The following IL17RB variants were observed in gnomAD, a reference collection of about 807,000 sequenced individuals.
IL17RB encodes the protein interleukin-17 receptor B.
Under a neutral mutation model 43.9 loss-of-function variants are expected in IL17RB, and 36 were observed. That is an observed-to-expected ratio of 0.82 (90% CI 0.63 to 1.08). IL17RB has a LOEUF of 1.08. Among genes scored for constraint, IL17RB ranks in the 50% least tolerant of loss-of-function variants. The pLI, the probability that IL17RB is intolerant of heterozygous loss-of-function variation, is 0.00. For missense variants in IL17RB, 613 were observed against 613.6 expected, an observed-to-expected ratio of 1.00 and a Z score of 0.01; for synonymous variants, 225 against 225.4, an observed-to-expected ratio of 1.00 and a Z score of 0.02.
At chr3:53,848,795 G>A (rs1217462895) in intron 2 of IL17RB, 107 bp downstream of exon 2, 3 of 1,172,092 alleles carry the variant, frequency 2.6e-6, no homozygotes, top group Admixed American at 1.7e-5. Context: ...GACACAGGGT[G>A]ACCCATTGCT....
At chr3:53,851,919 A>G (rs1228595892) in intron 3 of IL17RB, 80 bp from the exon 4 acceptor site, 1 of 1,491,926 alleles carries the variant, frequency 6.7e-7, no homozygotes, top group Non-Finnish European at 9.3e-7. Context: ...AAAATAAAGC[A>G]TGCTAGTAAA....
At chr3:53,858,865 C>G (rs773414514) in intron 9 of IL17RB, 47 bp downstream of exon 9, 1 of 1,405,398 alleles carries the variant, frequency 7.1e-7, no homozygotes, top group Admixed American at 1.7e-5. Context: ...GGCTCACACA[C>G]AGTCACTGCC....
Position 53,849,678 on chromosome 3 carries a change from C to T in IL17RB, c.109C>T (p.Gln37Ter). 6.2e-7 allele frequency: 1 copy of T among 1,611,324 alleles called. No homozygotes were observed. The highest frequency in any genetic ancestry group is 8.5e-7 in the Non-Finnish European group (1 of 1,178,740). ...ETGPSPEWML[Q>*]HDLIPGDLRD... ...AGGGCCATCTCCAGAGTGGATGCTA[C>T]AACATGATCTAATCCCCGGAGACTT... The change falls in exon 3 of 11, where the codon CAA becomes TAA. Residue 37 changes from glutamine (Q) to a stop codon, truncating the protein, a stop_gained. Coordinates refer to ENST00000288167, the MANE Select transcript of IL17RB (RefSeq NM_018725.4). LOFTEE classifies it high-confidence loss of function.
At chr3:53,856,497 G>T (rs1699336947) in intron 6 of IL17RB, among the ~76,000 whole-genome samples, 1 of 152,180 alleles carries the variant, frequency 6.6e-6, no homozygotes. Context: ...CCAACCTGTA[G>T]CTCTTTCTCC....
At position 53,865,186 on chromosome 3, in the gene IL17RB, T is replaced by C; in HGVS notation, c.1387T>C (p.Cys463Arg). 6.2e-7 allele frequency: 1 copy of C among 1,614,156 alleles called. No homozygotes were observed. The highest frequency in any genetic ancestry group is 8.5e-7 in the Non-Finnish European group (1 of 1,180,018). ...TKDDYNALSVCPKYHLMKDAT... is the reference protein window; with the variant it reads ...TKDDYNALSVRPKYHLMKDAT... ...AGACGATTACAATGCTCTCAGTGTC[T>C]GCCCCAAGTACCACCTCATGAAGGA... The change falls in exon 11 of 11, where the codon TGC (cysteine) becomes CGC (arginine). Residue 463 changes from cysteine (C) to arginine (R), a missense_variant. Physicochemically the swap from Cys to Arg is radical, Grantham distance 180. Coordinates refer to ENST00000288167, the MANE Select transcript of IL17RB (RefSeq NM_018725.4).
intron 1 of IL17RB, among the ~76,000 whole-genome samples, chr3:53,847,522 G>A (rs146260495): frequency 4.6e-5 from 7 of 151,850 alleles, no homozygotes; most frequent in Non-Finnish European, 7.4e-5. Context: ...GGCCGGGCTC[G>A]GTGGCTCACG....
rs1001111449 is a variant in IL17RB, at chr3:53,852,898, G to C, written c.382G>C (p.Val128Leu). The part of the protein sequence containing the change: ...KWTFSYIGFP[V>L]ELNTVYFIGA... ...GACATTTTCCTACATCGGCTTCCCTGTAGAGCTGAACACAGTCTATTTCAT... is the reference window on the plus strand; with the variant it reads ...GACATTTTCCTACATCGGCTTCCCTCTAGAGCTGAACACAGTCTATTTCAT... The change falls in exon 5 of 11, where the codon GTA becomes CTA. Residue 128 changes from valine to leucine, a missense_variant. By Grantham distance (32) the Val-to-Leu change is conservative. Transcript: ENST00000288167. The C allele has an allele frequency of 9.3e-6, 15 of 1,613,930 alleles. No individual in the cohort carries two copies. The highest frequency in any genetic ancestry group is 1.3e-5 in the Non-Finnish European group (15 of 1,179,816).
chr3:53,861,138 AT>A (rs1699548362), intron 10 of IL17RB: 1 of 152,186 alleles, frequency 6.6e-6, no homozygotes, highest in Admixed American at 6.5e-5. Context: ...AGTAAATTAC[AT>A]ATCACAGTAA....
At chr3:53,860,812 C>T (rs945712451) in intron 10 of IL17RB, 5 of 151,988 alleles carry the variant, frequency 3.3e-5, no homozygotes, top group Non-Finnish European at 5.9e-5. Flanking sequence ...AAAATGTATA[C>T]AGATACTAGT....
At position 53,865,029 on chromosome 3, in the gene IL17RB, G is replaced by A. The variant is rs763699823; in HGVS notation, c.1230G>A (p.Lys410=). 5.6e-6 allele frequency: 9 copies of A among 1,614,076 alleles called. No individual in the cohort carries two copies. In the Admixed American group the frequency reaches 6.7e-5, roughly 12 times the overall value. The part of the protein sequence containing the change: ...VNSVCDGTCG[K]SEGSPSENSQ... Reference sequence around the variant, plus strand: ...GTGTGTGCGATGGTACCTGTGGCAAGAGCGAGGGCAGTCCCAGTGAGAACT... The same window carrying A: ...GTGTGTGCGATGGTACCTGTGGCAAAAGCGAGGGCAGTCCCAGTGAGAACT... Residue 410 remains lysine (K), a synonymous_variant, in exon 11 of 11, where the codon AAG becomes AAA. Coordinates refer to ENST00000288167, the MANE Select transcript of IL17RB (RefSeq NM_018725.4).
At chr3:53,857,031 T>C (rs1272811197) in intron 7 of IL17RB, 45 bp downstream of exon 7, 4 of 1,605,574 alleles carry the variant, frequency 2.5e-6, no homozygotes, top group African/African-American at 1.3e-5. Flanking sequence ...CCAGCTTTCC[T>C]TAGTGTGTTG....
intron 5 of IL17RB, among the ~76,000 whole-genome samples, chr3:53,854,539 T>A (rs1458713669): frequency 6.6e-6 from 1 of 152,210 alleles, no homozygotes; most frequent in Non-Finnish European, 1.5e-5. Context: ...GTTTGTCTGA[T>A]GTTTGTCTCA....
At chr3:53,862,161 T>A (rs543426967) in intron 10 of IL17RB, among the ~76,000 whole-genome samples, 12 of 152,158 alleles carry the variant, frequency 7.9e-5, no homozygotes, top group Non-Finnish European at 1.6e-4. Context: ...TCTTTTGATA[T>A]TGGACAATGC....
chr3:53,864,262 T>G (rs966038538), intron 10 of IL17RB, among the ~76,000 whole-genome samples: 28 of 152,132 alleles, frequency 1.8e-4, no homozygotes, highest in African/African-American at 6.3e-4. Flanking sequence ...TAAGGCAGGG[T>G]GCGGTGGCTC....
chr3:53,857,727 C>A, intron 8 of IL17RB, 37 bp downstream of exon 8: 2 of 1,528,290 alleles, frequency 1.3e-6, no homozygotes, highest in Non-Finnish European at 1.8e-6. Context: ...AGGGAAGGGA[C>A]ATAGAAGACT....
intron 1 of IL17RB, 58 bp downstream of exon 1, chr3:53,846,706 C>A: frequency 6.7e-7 from 1 of 1,501,718 alleles, no homozygotes; most frequent in Non-Finnish European, 9.0e-7. Context: ...CAGATCCTGA[C>A]GTCGTCTGAT....
In IL17RB at chr3:53,865,082, AC is replaced by A. The variant is rs1559786428; in HGVS notation, c.1285del (p.Leu429PhefsTer6). On this transcript the variant is annotated frameshift_variant, in exon 11 of 11. Coordinates refer to ENST00000288167, the MANE Select transcript of IL17RB (RefSeq NM_018725.4). LOFTEE classifies it low-confidence loss of function (END_TRUNC). ...CAAGACCTCTTCCCCCTTGCCTTTAACCTTTTCTGCAGTGATCTAAGAAGCC... is the reference window on the plus strand; with the variant it reads ...CAAGACCTCTTCCCCCTTGCCTTTAACTTTTCTGCAGTGATCTAAGAAGCC... ...NSQDLFPLAF[N>X]LFCSDLRSQI... is the part of the protein sequence containing the mutation. The A allele has an allele frequency of 6.2e-7, 1 of 1,614,052 alleles. No individual in the cohort carries two copies. Among genetic ancestry groups the A allele is most frequent in the Non-Finnish European group, 8.5e-7 (1 of 1,179,952 alleles).
intron 7 of IL17RB, 35 bp from the exon 8 acceptor site, chr3:53,857,581 G>C (rs2232342): frequency 0.013 from 20,033 of 1,596,620 alleles, 471 homozygotes; most frequent in East Asian, 0.088. Context: ...CAGTGCACCT[G>C]GCACCTCATA....
chr3:53,857,086 G>A, intron 7 of IL17RB, 100 bp downstream of exon 7: 2 of 1,265,054 alleles, frequency 1.6e-6, no homozygotes, highest in Non-Finnish European at 2.3e-6. Flanking sequence ...GGGCTACTTT[G>A]ATGAATTCAA....
Sources: gnomAD v4.1 joint callset for allele counts (sites outside exome capture counted in the v4.1 genomes callset) on GRCh38, gnomAD v4.1.1 for gene constraint, MANE v1.5 for transcripts, NCBI Gene and HGNC (gene_info 2026-07-23, HGNC 2026-07-21) for gene names.